The following SPRED1 variants were observed in gnomAD, a reference collection of about 807,000 sequenced individuals.
SPRED1 encodes the protein sprouty-related, EVH1 domain-containing protein 1.
In SPRED1, 18 loss-of-function variants were observed where a neutral mutation model predicts 52.3. The ratio of observed to expected loss-of-function variants is 0.34; its 90% CI spans 0.24 to 0.51. The LOEUF is 0.51. SPRED1 is among the 20% of genes least tolerant of loss of function. SPRED1 has a pLI of 0.97. For synonymous variants in SPRED1, 155 were observed against 179.7 expected (o/e 0.86, Z 1.10); for missense variants, 485 against 551.0 (o/e 0.88, Z 1.20).
chr15:38,339,671 A>G (rs1173168687), intron 4 of SPRED1, 66 bp from the exon 5 acceptor site: 1 of 1,518,784 alleles, frequency 6.6e-7, no homozygotes, highest in South Asian at 1.1e-5. Context: ...GAGTGAAAGT[A>G]TCTTATTTTG....
At position 38,352,998 on chromosome 15, in the gene SPRED1, T is replaced by G. The variant is rs1410326184; in HGVS notation, c.*1334T>G. 2.0e-5 allele frequency: 3 copies of G among 152,314 alleles called. No homozygotes were observed. The highest frequency in any genetic ancestry group is 7.2e-5 in the African/African-American group (3 of 41,462). The allele number at this position is 152,314 out of a possible 1,614,324, so 9.4% of individuals were successfully genotyped here. A position where few individuals can be genotyped will look rare whatever the true frequency, so the allele number is the denominator to read the frequency against. ...TAGTTGGGTAAATGTTCCAACAAAC[T>G]TTAAAGTACCTTGAAGTCAAATTGT... On this transcript the variant is annotated 3_prime_UTR_variant, in exon 7 of 7. Coordinates refer to ENST00000299084, the MANE Select transcript of SPRED1 (RefSeq NM_152594.3).
At chr15:38,270,881 T>C (rs1267975398) in intron 1 of SPRED1, among the ~76,000 whole-genome samples, 1 of 152,222 alleles carries the variant, frequency 6.6e-6, no homozygotes, top group African/African-American at 2.4e-5. Context: ...TCTCTTGAAC[T>C]GAGTGAAATG....
At chr15:38,254,605 G>T (rs566825401) in intron 1 of SPRED1, among the ~76,000 whole-genome samples, 1 of 152,290 alleles carries the variant, frequency 6.6e-6, no homozygotes, top group South Asian at 2.1e-4. Flanking sequence ...GTAGATTTTT[G>T]AGTTCAGAAG....
Position 38,353,875 on chromosome 15 carries a change from A to G in SPRED1, c.*2211A>G, listed in dbSNP as rs1467412078. ...TGTTAAGCACTAATCAGTATAGTGCAACTCCTGGTTCTGTACTGTATTTTA... is the reference window on the plus strand; with the variant it reads ...TGTTAAGCACTAATCAGTATAGTGCGACTCCTGGTTCTGTACTGTATTTTA... On this transcript the variant is annotated 3_prime_UTR_variant, in exon 7 of 7. Transcript: ENST00000299084. 1 of 152,606 alleles carries G rather than the reference A, an allele frequency of 6.6e-6. No individual in the cohort carries two copies. Among genetic ancestry groups the G allele is most frequent in the Admixed American group, 6.5e-5 (1 of 15,284 alleles). The allele number at this position is 152,606 out of a possible 1,614,324, so 9.5% of individuals were successfully genotyped here.
intron 1 of SPRED1, among the ~76,000 whole-genome samples, chr15:38,277,910 T>G (rs559139623): frequency 1.8e-3 from 11 of 6,036 alleles, no homozygotes; most frequent in African/African-American, 2.5e-3. Flanking sequence ...ATGTATGTCT[T>G]TTTTTTTTTA....
In SPRED1 at chr15:38,353,160, T is replaced by A. The variant is rs1888531404; in HGVS notation, c.*1496T>A. 6.6e-6 allele frequency: 1 copy of A among 152,482 alleles called. No individual in the cohort carries two copies. Among genetic ancestry groups the A allele is most frequent in the Admixed American group, 6.5e-5 (1 of 15,270 alleles). The allele number at this position is 152,482 out of a possible 1,614,324, so 9.4% of individuals were successfully genotyped here. A position where few individuals can be genotyped will look rare whatever the true frequency, so the allele number is the denominator to read the frequency against. ...GTGCCTTTTTTTTAATGGCTTGAAG[T>A]TTCAGAGGTGATAAAAATTAAAATC... On this transcript the variant is annotated 3_prime_UTR_variant, in exon 7 of 7. Transcript: ENST00000299084.
intron 1 of SPRED1, among the ~76,000 whole-genome samples, chr15:38,294,845 T>C (rs1895000129): frequency 1.3e-5 from 2 of 152,216 alleles, no homozygotes; most frequent in Admixed American, 1.3e-4. Context: ...ATTAAAGCTA[T>C]GTACTATCTC....
Position 38,339,790 on chromosome 15 carries a change from A to G in SPRED1, c.477A>G (p.Gln159=). ...TAGTGAAGGATCACCTTTTTCAGCA[A>G]GAGACAGTTGTTACCAGTGAGCCTT... ...SSLVKDHLFQ[Q]ETVVTSEPYR... The change falls in exon 5 of 7, where the codon CAA becomes CAG. Residue 159 remains glutamine, a synonymous_variant. Transcript: ENST00000299084. The G allele has an allele frequency of 6.2e-7, 1 of 1,613,994 alleles. No homozygotes were observed. The highest frequency in any genetic ancestry group is 1.7e-5 in the Admixed American group (1 of 60,008).
chr15:38,344,484 A>G (rs1896091264), intron 5 of SPRED1, among the ~76,000 whole-genome samples: 1 of 152,188 alleles, frequency 6.6e-6, no homozygotes, highest in South Asian at 2.1e-4. Context: ...GTCATCAGGT[A>G]GAAAGTACAA....
chr15:38,285,818 A>G (rs149724123), intron 1 of SPRED1, among the ~76,000 whole-genome samples: 1 of 152,338 alleles, frequency 6.6e-6, no homozygotes, highest in African/African-American at 2.4e-5. Context: ...AGAATAGCCC[A>G]TCGGTATTTT....
chr15:38,297,106 C>CA (rs1321996521), intron 1 of SPRED1, among the ~76,000 whole-genome samples: 4 of 152,172 alleles, frequency 2.6e-5, no homozygotes, highest in Non-Finnish European at 5.9e-5. Context: ...TCTGGACTTT[C>CA]AAGCCTCTAG....
In SPRED1 at chr15:38,277,704, G is replaced by A. The variant is rs1412193962; in HGVS notation, c.33-21669G>A. Reference sequence around the variant, plus strand: ...AGAAATCGCCAAACTGCTTTCTGCAGAAGCTAAACTAATTTACATTCCCAT... The same window carrying A: ...AGAAATCGCCAAACTGCTTTCTGCAAAAGCTAAACTAATTTACATTCCCAT... On this transcript the variant is annotated intron_variant, in intron 1 of 6. Coordinates refer to ENST00000299084, the MANE Select transcript of SPRED1 (RefSeq NM_152594.3). Among the ~76,000 whole-genome samples the A allele has an allele frequency of 2.6e-5, 4 of 152,294 alleles. No homozygotes were observed. In the East Asian group the frequency reaches 7.7e-4, roughly 29 times the overall value.
chr15:38,336,518 CA>C (rs1895926377), intron 4 of SPRED1, among the ~76,000 whole-genome samples: 1 of 147,444 alleles, frequency 6.8e-6, no homozygotes, highest in Non-Finnish European at 1.5e-5. Flanking sequence ...ATCTCTGGAA[CA>C]AATACATTTC....
rs372751409 is a variant in SPRED1, at chr15:38,339,924, G to A, written c.582+29G>A. On this transcript the variant is annotated intron_variant, in intron 5 of 6. Transcript: ENST00000299084. The stretch of plus-strand genomic sequence containing the variant: ...AGAAGATAAAATATTTTTTCGGCGC[G>A]TTGTTTATATGTGTAGAAATTGAAT... The A allele has an allele frequency of 6.3e-5, 101 of 1,612,952 alleles. 1 individual carries two copies. In the Middle Eastern group the frequency reaches 1.3e-3, roughly 21 times the overall value.
rs60055280 is a variant in SPRED1 at position 38,305,314 on chromosome 15, G to A, written c.207+5767G>A. Among the ~76,000 whole-genome samples, 494 of 149,422 alleles carry A rather than the reference G, an allele frequency of 3.3e-3. 2 individuals carry two copies. Among genetic ancestry groups the A allele is most frequent in the African/African-American group, 0.011 (462 of 40,568 alleles). ...GCCATTGCACTCCAGCTTGGGTAACGAGAGTGAAACTGTCAAAAAATAAAA... is the reference window on the plus strand; with the variant it reads ...GCCATTGCACTCCAGCTTGGGTAACAAGAGTGAAACTGTCAAAAAATAAAA... On this transcript the variant is annotated intron_variant, in intron 2 of 6. Coordinates refer to ENST00000299084, the MANE Select transcript of SPRED1 (RefSeq NM_152594.3).
Position 38,355,881 on chromosome 15 carries a change from T to G in SPRED1, c.*4217T>G, listed in dbSNP as rs1265127334. ...AATGAGACAAACATGAAGAATGAAT[T>G]TCTTTAAGAGAGAAACACAACCGGA... On this transcript the variant is annotated 3_prime_UTR_variant, in exon 7 of 7. Transcript: ENST00000299084. 1 of 152,154 alleles carries G rather than the reference T, an allele frequency of 6.6e-6. No individual in the cohort carries two copies. The highest frequency in any genetic ancestry group is 1.5e-5 in the Non-Finnish European group (1 of 68,016). The allele number at this position is 152,154 out of a possible 1,614,324, so 9.4% of individuals were successfully genotyped here.
intron 1 of SPRED1, among the ~76,000 whole-genome samples, chr15:38,277,359 C>A (rs895020537): frequency 6.6e-6 from 1 of 152,132 alleles, no homozygotes. Context: ...TAAGTGAGAA[C>A]ATGAGATATT....
chr15:38,260,208 A>AT (rs1894179563), intron 1 of SPRED1, among the ~76,000 whole-genome samples: 2 of 152,252 alleles, frequency 1.3e-5, no homozygotes, highest in African/African-American at 4.8e-5. Context: ...TGGCAGGGCC[A>AT]TGTTCCCTCT....
At chr15:38,271,340 G>A (rs1894430598) in intron 1 of SPRED1, among the ~76,000 whole-genome samples, 1 of 152,128 alleles carries the variant, frequency 6.6e-6, no homozygotes, top group South Asian at 2.1e-4. Context: ...TGGAATGCTG[G>A]GCTAATAGAA....
Sources: allele counts gnomAD v4.1 joint callset (sites outside exome capture counted in the v4.1 genomes callset), GRCh38; gene constraint gnomAD v4.1.1; transcripts MANE v1.5; gene names NCBI Gene and HGNC (gene_info 2026-07-23, HGNC 2026-07-21).